PCDHA8: variants seen among roughly 807,000 people sequenced by gnomAD.
PCDHA8 encodes the protein protocadherin alpha 8, also known as protocadherin alpha-8.
PCDHA8 carries 53 observed loss-of-function variants against 61.8 expected under a neutral mutation model. That is an observed-to-expected ratio of 0.86 (90% CI 0.69 to 1.08). The LOEUF (loss-of-function observed/expected upper bound fraction) is 1.08, where lower values mean the gene tolerates loss of function less well. Ranked by LOEUF, PCDHA8 falls within the 50% of genes least tolerant of loss-of-function variation. The probability of loss-of-function intolerance (pLI) is 0.00; values close to 1 mark genes in which losing one functional copy is unlikely to be tolerated. For synonymous variants in PCDHA8, 618 were observed against 556.6 expected, an observed-to-expected ratio of 1.11 and a Z score of -1.55; for missense variants, 1,293 against 1,245.0, an observed-to-expected ratio of 1.04 and a Z score of -0.58.
At chr5:140,979,169 A>T (rs2096837685) in intron 2 of PCDHA8, 162 bp downstream of exon 2, 1 of 966,312 alleles carries the variant, frequency 1.0e-6, no homozygotes, top group Admixed American at 6.2e-5. Context: ...TCCTTGAAAG[A>T]TCGCAAATGG....
intron 3 of PCDHA8, among the ~76,000 whole-genome samples, chr5:141,001,134 T>A (rs370176335): frequency 4.7e-4 from 72 of 152,158 alleles, no homozygotes; most frequent in African/African-American, 1.7e-3. Context: ...AACAAATGAA[T>A]CTTCTGTTGC....
At chr5:140,849,627 G>C in intron 1 of PCDHA8, 1 of 1,598,784 alleles carries the variant, frequency 6.3e-7, no homozygotes, top group Non-Finnish European at 8.6e-7. Context: ...GATCGACCTA[G>C]ACGCAGATGC....
At chr5:140,917,170 G>A (rs1196393398) in intron 1 of PCDHA8, among the ~76,000 whole-genome samples, 1 of 152,184 alleles carries the variant, frequency 6.6e-6, no homozygotes, top group African/African-American at 2.4e-5. Context: ...AGGGGTGATG[G>A]TGGTGATCCC....
Position 140,857,636 on chromosome 5 carries a change from C to T in PCDHA8, c.2394+13921C>T, listed in dbSNP as rs370617893. The T allele has an allele frequency of 1.0e-4, 159 of 1,596,480 alleles. 20 individuals are homozygous for T. The highest frequency in any genetic ancestry group is 1.3e-4 in the Non-Finnish European group (153 of 1,167,700). Reference sequence around the variant, plus strand: ...GCTGGACCACGAGGAGCTGGAGCTGCTACAGTTCCAGGTGAGCGCGCGCGA... The same window carrying T: ...GCTGGACCACGAGGAGCTGGAGCTGTTACAGTTCCAGGTGAGCGCGCGCGA... On this transcript the variant is annotated intron_variant, in intron 1 of 3. Transcript: ENST00000531613.
intron 1 of PCDHA8, among the ~76,000 whole-genome samples, chr5:140,958,822 A>G (rs1554223658): frequency 6.6e-6 from 1 of 152,146 alleles, no homozygotes; most frequent in Non-Finnish European, 1.5e-5. Context: ...TTTAATTTTT[A>G]TATCTTAAAG....
In PCDHA8 at chr5:140,850,590, T is replaced by G. The variant is rs2150490414; in HGVS notation, c.2394+6875T>G. The G allele has an allele frequency of 2.7e-5, 43 of 1,598,318 alleles. 1 individual carries two copies. The highest frequency in any genetic ancestry group is 3.5e-5 in the Non-Finnish European group (41 of 1,167,854). ...GGTGACGCTGGTGGATGTCAACGTG[T>G]ACCTGATCATCGCCATCTGCGCGGT... On this transcript the variant is annotated intron_variant, in intron 1 of 3. Coordinates refer to ENST00000531613, the MANE Select transcript of PCDHA8 (RefSeq NM_018911.3).
rs1440009442 is a variant in PCDHA8, at chr5:140,964,448, A to G, written c.2395-14501A>G. Among the ~76,000 whole-genome samples the G allele has an allele frequency of 3.3e-5, 5 of 152,212 alleles. No homozygotes were observed. The South Asian group carries it at 8.3e-4, about 25-fold the overall frequency. On this transcript the variant is annotated intron_variant, in intron 1 of 3. Transcript: ENST00000531613. ...AAAATTACCAAGCCTCTGCCACTGT[A>G]ATCTCTTCCTTAAGTGCCTATGATT...
At chr5:141,005,527 C>A (rs1448254191) in intron 3 of PCDHA8, among the ~76,000 whole-genome samples, 1 of 151,230 alleles carries the variant, frequency 6.6e-6, no homozygotes, top group Non-Finnish European at 1.5e-5. Context: ...CACGGTGAAA[C>A]CCCGTCTCTA....
chr5:140,901,440 G>C (rs187310877), intron 1 of PCDHA8, among the ~76,000 whole-genome samples: 22 of 152,214 alleles, frequency 1.4e-4, no homozygotes, highest in Admixed American at 5.2e-4. Flanking sequence ...TGGATATCTA[G>C]TTTCCCAGCA....
chr5:140,841,632 T>G lies in PCDHA8; in HGVS notation c.311T>G (p.Ile104Ser), dbSNP rs2150319799. The change falls in exon 1 of 4, where the codon ATC becomes AGC. Residue 104 changes from isoleucine to serine, a missense_variant. Transcript: ENST00000531613. ...ELCGRSAECS[I>S]HLEVIVDRPL... ...TGCGGGCGGAGCGCGGAGTGCAGCA[T>G]CCACCTGGAGGTGATCGTGGACAGG... is the stretch of plus-strand genomic sequence containing the variant. The G allele has an allele frequency of 8.1e-6, 13 of 1,614,152 alleles. No homozygotes were observed. In the Admixed American group the frequency reaches 1.8e-4, roughly 23 times the overall value.
chr5:140,861,559 A>G (rs2046978123), intron 1 of PCDHA8: 2 of 393,478 alleles, frequency 5.1e-6, no homozygotes, highest in Non-Finnish European at 5.3e-6. Context: ...GTGATCGTGG[A>G]CAAGCTGCTA....
intron 1 of PCDHA8, among the ~76,000 whole-genome samples, chr5:140,881,035 C>T (rs563210273): frequency 6.6e-6 from 1 of 152,186 alleles, no homozygotes; most frequent in African/African-American, 2.4e-5. Context: ...CAGTCATTTC[C>T]TATAGAGTTG....
chr5:140,886,844 A>AG lies in PCDHA8; in HGVS notation c.2394+43129_2394+43130insG, dbSNP rs1203919867. Among the ~76,000 whole-genome samples, 142 of 150,728 alleles carry AG rather than the reference A, an allele frequency of 9.4e-4. 2 individuals are homozygous for AG. Among genetic ancestry groups the AG allele is most frequent in the African/African-American group, 2.8e-3 (117 of 41,122 alleles). ...TTCGTCTTGAAAAAAAAAAAAAAAAAAAAGAAAGGTCTTCCCAACTCCTAT... is the reference window on the plus strand; with the variant it reads ...TTCGTCTTGAAAAAAAAAAAAAAAAAGAAAGAAAGGTCTTCCCAACTCCTAT... On this transcript the variant is annotated intron_variant, in intron 1 of 3. Coordinates refer to ENST00000531613, the MANE Select transcript of PCDHA8 (RefSeq NM_018911.3).
intron 1 of PCDHA8, chr5:140,850,407 G>A (rs2150482736): frequency 6.3e-7 from 1 of 1,597,938 alleles, no homozygotes; most frequent in Admixed American, 1.7e-5. Flanking sequence ...GCGTGCCCTG[G>A]ACGAAACGGA....
chr5:140,854,797 A>G (rs1299295498), intron 1 of PCDHA8: 1 of 149,772 alleles, frequency 6.7e-6, no homozygotes, highest in African/African-American at 2.4e-5. Context: ...TGAGAGAGAA[A>G]AAAATATTTT....
rs2150328555 is a variant in PCDHA8 at position 140,842,062 on chromosome 5, C to T, written c.741C>T (p.Tyr247=). ...CTCCCACTTTCGAACAGTCTGAATA[C>T]GAAGTAAGAATATTCGAAAACGCAG... ...DNAPTFEQSE[Y]EVRIFENADN... The change falls in exon 1 of 4, where the codon TAC becomes TAT. Residue 247 remains tyrosine (Y), a synonymous_variant. Coordinates refer to ENST00000531613, the MANE Select transcript of PCDHA8 (RefSeq NM_018911.3). 5 of 1,613,774 alleles carry T rather than the reference C, an allele frequency of 3.1e-6. No individual in the cohort carries two copies. The African/African-American group carries it at 6.7e-5, about 22-fold the overall frequency.
chr5:140,857,857 C>T lies in PCDHA8; in HGVS notation c.2394+14142C>T, dbSNP rs1415276512. On this transcript the variant is annotated intron_variant, in intron 1 of 3. Transcript: ENST00000531613. ...CAGTGGACGCTGACTCTGGATACAA[C>T]GCGTGGCTGTCGTATGAATTGCAGT... 10 of 1,597,784 alleles carry T rather than the reference C, an allele frequency of 6.3e-6. 2 individuals are homozygous for T. Among genetic ancestry groups the T allele is most frequent in the African/African-American group, 1.3e-5 (1 of 74,362 alleles).
At position 141,009,773 on chromosome 5, in the gene PCDHA8, A is replaced by C. The variant is rs782087059; in HGVS notation, c.2689A>C (p.Ile897Leu). ...KFIIPGSPAI[I>L]SIRQEPTNSQ... is the part of the protein sequence containing the mutation. ...CATTATCCCAGGATCTCCTGCAATC[A>C]TCTCCATCCGGCAGGAGCCTACTAA... Residue 897 changes from isoleucine to leucine, a missense_variant, in exon 4 of 4, where the codon ATC becomes CTC. Physicochemically the swap from Ile to Leu is conservative, Grantham distance 5. Transcript: ENST00000531613. 1 of 1,614,128 alleles carries C rather than the reference A, an allele frequency of 6.2e-7. No individual in the cohort carries two copies. Among genetic ancestry groups the C allele is most frequent in the East Asian group, 2.2e-5 (1 of 44,878 alleles).
At chr5:140,877,730 A>C in intron 1 of PCDHA8, 1 of 1,614,146 alleles carries the variant, frequency 6.2e-7, no homozygotes, top group Non-Finnish European at 8.5e-7. Context: ...TACTCGCAGC[A>C]GAGGAGGCAG....
Sources: gnomAD v4.1 joint callset for allele counts (sites outside exome capture counted in the v4.1 genomes callset) on GRCh38, gnomAD v4.1.1 for gene constraint, MANE v1.5 for transcripts, NCBI Gene and HGNC (gene_info 2026-07-23, HGNC 2026-07-21) for gene names.